Variants in XPO5 observed in about 807,000 individuals in gnomAD.
XPO5 encodes the protein exportin-5.
Under a neutral mutation model 160.6 loss-of-function variants are expected in XPO5, and 46 were observed. The ratio of observed to expected loss-of-function variants is 0.29; its 90% CI spans 0.23 to 0.37. The LOEUF (loss-of-function observed/expected upper bound fraction) is 0.37. XPO5 is among the 10% of genes least tolerant of loss of function. The pLI is 1.00. For synonymous variants in XPO5, 537 were observed against 519.3 expected, an observed-to-expected ratio of 1.03 and a Z score of -0.46; for missense variants, 1,090 against 1,463.9, an observed-to-expected ratio of 0.74 and a Z score of 4.17.
In XPO5 at chr6:43,549,896, A is replaced by G. The variant is rs781338192; in HGVS notation, c.1767T>C (p.Ser589=). ...TTGGTTTAATTAATGGTCTTACCTT[A>G]CTTTCTTCAACAGTTTCAAAAGTGA... ...SSVTFETVEE[S]KAPRTRAVRN... Residue 589 remains serine (S), a synonymous_variant, in exon 16 of 32, where the codon AGT becomes AGC. Transcript: ENST00000265351. 1.2e-6 allele frequency: 2 copies of G among 1,610,736 alleles called. No homozygotes were observed. The highest frequency in any genetic ancestry group is 1.7e-6 in the Non-Finnish European group (2 of 1,178,168).
chr6:43,544,358 G>A (rs1477357789), intron 20 of XPO5: 1 of 152,696 alleles, frequency 6.5e-6, no homozygotes, highest in Admixed American at 6.5e-5. Context: ...GTGAACACAT[G>A]AGAATCTTCC....
intron 8 of XPO5, among the ~76,000 whole-genome samples, chr6:43,564,344 A>T (rs1762578284): frequency 1.3e-5 from 2 of 152,190 alleles, no homozygotes; most frequent in African/African-American, 2.4e-5. Context: ...AGCCTGACCA[A>T]CAGGGAGAAA....
intron 20 of XPO5, among the ~76,000 whole-genome samples, chr6:43,546,049 C>G (rs1179384896): frequency 6.6e-6 from 1 of 152,134 alleles, no homozygotes; most frequent in East Asian, 1.9e-4. Context: ...GGTCTTAGGA[C>G]TCAGCTTTGA....
rs573474333 is a variant in XPO5, at chr6:43,527,742, C to T, written c.2823-11G>A. The T allele has an allele frequency of 7.4e-6, 12 of 1,613,832 alleles. No homozygotes were observed. In the South Asian group the frequency reaches 1.1e-4, roughly 15 times the overall value. On this transcript the variant is annotated splice_polypyrimidine_tract_variant and intron_variant, in intron 25 of 31. Transcript: ENST00000265351. ...GCCTCATCTTCTCCACTGCAGAAAA[C>T]CAGGGGGCCAAGTTCCACAGGAGTG... is the stretch of plus-strand genomic sequence containing the variant.
intron 24 of XPO5, among the ~76,000 whole-genome samples, chr6:43,528,473 A>T (rs937377659): frequency 6.6e-6 from 1 of 152,176 alleles, no homozygotes; most frequent in African/African-American, 2.4e-5. Context: ...GTCTCTAGAC[A>T]TACCTGTTCT....
chr6:43,534,279 A>G (rs923554048), intron 20 of XPO5, among the ~76,000 whole-genome samples: 1 of 152,250 alleles, frequency 6.6e-6, no homozygotes, highest in Non-Finnish European at 1.5e-5. Flanking sequence ...CAAAGCTAGA[A>G]AGCAAAATTC....
At chr6:43,530,422 CAAA>C (rs780873253) in intron 23 of XPO5, among the ~76,000 whole-genome samples, 2 of 130,234 alleles carry the variant, frequency 1.5e-5, no homozygotes, top group African/African-American at 2.8e-5. Context: ...AAGACTGTCT[CAAA>C]AAAAAAAAAA....
At chr6:43,535,717 G>T (rs1794271525) in intron 20 of XPO5, among the ~76,000 whole-genome samples, 1 of 151,828 alleles carries the variant, frequency 6.6e-6, no homozygotes, top group Non-Finnish European at 1.5e-5. Context: ...GGAAGGCTGA[G>T]GTGGGAGAAT....
At chr6:43,570,422 A>T (rs1280800872) in intron 5 of XPO5, 80 bp downstream of exon 5, 1 of 1,218,784 alleles carries the variant, frequency 8.2e-7, no homozygotes, top group Non-Finnish European at 1.1e-6. Flanking sequence ...TGACCTAGAC[A>T]CCCTAGTTCC....
intron 27 of XPO5, 161 bp downstream of exon 27, chr6:43,526,524 G>T (rs1356935467): frequency 1.4e-6 from 1 of 718,204 alleles, no homozygotes; most frequent in Non-Finnish European, 2.4e-6. Flanking sequence ...CTTGGAGGTG[G>T]GAGTATGATG....
chr6:43,575,882 G>C lies in XPO5; in HGVS notation c.-18C>G. 6.2e-7 allele frequency: 1 copy of C among 1,612,554 alleles called. No homozygotes were observed. The highest frequency in any genetic ancestry group is 8.5e-7 in the Non-Finnish European group (1 of 1,179,104). ...ATCGCCATGCCTAGCGCCACGCGCC[G>C]AGAGCGCACACCACTGCAGTCCCGG... is the stretch of plus-strand genomic sequence containing the variant. On this transcript the variant is annotated 5_prime_UTR_variant, in exon 1 of 32. Transcript: ENST00000265351.
At chr6:43,567,470 C>T in intron 6 of XPO5, 116 bp from the exon 7 acceptor site, 2 of 916,408 alleles carry the variant, frequency 2.2e-6, no homozygotes, top group Non-Finnish European at 3.1e-6. Context: ...TAAGAATATA[C>T]TCATGTAACA....
At chr6:43,527,494 G>A in intron 26 of XPO5, 140 bp downstream of exon 26, 1 of 770,468 alleles carries the variant, frequency 1.3e-6, no homozygotes, top group Non-Finnish European at 2.1e-6. Flanking sequence ...GGATGGTCTT[G>A]ATCTTTTGAC....
chr6:43,527,994 C>A (rs1793708337), intron 25 of XPO5, among the ~76,000 whole-genome samples, 165 bp downstream of exon 25: 1 of 152,178 alleles, frequency 6.6e-6, no homozygotes, highest in Non-Finnish European at 1.5e-5. Context: ...AGTCTGCCTG[C>A]TGGTAACAGC....
chr6:43,566,331 T>C (rs1346534219), intron 7 of XPO5, among the ~76,000 whole-genome samples: 1 of 150,650 alleles, frequency 6.6e-6, no homozygotes, highest in Non-Finnish European at 1.5e-5. Context: ...GAGGCAGAGG[T>C]TGCACTGAGC....
intron 12 of XPO5, among the ~76,000 whole-genome samples, chr6:43,557,800 A>G (rs1369701081): frequency 4.6e-5 from 7 of 150,952 alleles, no homozygotes; most frequent in African/African-American, 1.5e-4. Context: ...AAAAAAAAAA[A>G]AAAAAAAAAG....
At chr6:43,550,172 G>C (rs891630658) in intron 15 of XPO5, among the ~76,000 whole-genome samples, 1 of 152,100 alleles carries the variant, frequency 6.6e-6, no homozygotes, top group Non-Finnish European at 1.5e-5. Context: ...TAGGATCCCA[G>C]AACAATTCAT....
chr6:43,524,368 AAAAT>A, intron 31 of XPO5, 99 bp downstream of exon 31: 2 of 1,430,240 alleles, frequency 1.4e-6, no homozygotes, highest in African/African-American at 2.9e-5. Flanking sequence ...AAAAAAAAAA[AAAAT>A]CTCACCATAA....
intron 20 of XPO5, among the ~76,000 whole-genome samples, chr6:43,534,243 C>T (rs965251611): frequency 2.0e-5 from 3 of 152,106 alleles, no homozygotes; most frequent in African/African-American, 7.2e-5. Context: ...GAACTAAACC[C>T]CAAGACACAG....
Sources: gnomAD v4.1 joint callset for allele counts (sites outside exome capture counted in the v4.1 genomes callset) on GRCh38, gnomAD v4.1.1 for gene constraint, MANE v1.5 for transcripts, NCBI Gene and HGNC (gene_info 2026-07-23, HGNC 2026-07-21) for gene names.